The following RXRG variants were observed in gnomAD, a reference collection of about 807,000 sequenced individuals.
RXRG encodes the protein retinoid X receptor gamma, also known as retinoic acid receptor RXR-gamma.
A neutral mutation model predicts 49.2 loss-of-function variants in RXRG; 19 were observed. That is an observed-to-expected ratio of 0.39 (90% CI 0.27 to 0.57). RXRG has a LOEUF of 0.57. RXRG is among the 20% of genes least tolerant of loss of function. RXRG has a pLI of 0.64. For missense variants in RXRG, 452 were observed against 592.5 expected, an observed-to-expected ratio of 0.76 and a Z score of 2.46; for synonymous variants, 224 against 216.6, an observed-to-expected ratio of 1.03 and a Z score of -0.30.
At chr1:165,419,739 G>T (rs145892417) in intron 3 of RXRG, 131 bp downstream of exon 3, 2 of 651,888 alleles carry the variant, frequency 3.1e-6, no homozygotes, top group East Asian at 5.9e-5. Context: ...TGACATAAAC[G>T]TATAGGTGGG....
intron 4 of RXRG, among the ~76,000 whole-genome samples, chr1:165,415,766 C>T (rs1658103309): frequency 6.6e-6 from 1 of 152,150 alleles, no homozygotes; most frequent in African/African-American, 2.4e-5. Context: ...TTTTCAGGAG[C>T]TGAGATTTGG....
chr1:165,401,320 G>C lies in RXRG; in HGVS notation c.1335C>G (p.Asp445Glu). 3 of 1,614,122 alleles carry C rather than the reference G, an allele frequency of 1.9e-6. No homozygotes were observed. Among genetic ancestry groups the C allele is most frequent in the Non-Finnish European group, 2.5e-6 (3 of 1,179,996 alleles). ...EHLFFFKLIG[D>E]TPIDTFLMEM... is the part of the protein sequence containing the mutation. Reference sequence around the variant, plus strand: ...CCATGAGGAAGGTGTCAATGGGGGTGTCCCCGATGAGCTTGAAGAAGAAGA... The same window carrying C: ...CCATGAGGAAGGTGTCAATGGGGGTCTCCCCGATGAGCTTGAAGAAGAAGA... Residue 445 changes from aspartate (D) to glutamate (E), a missense_variant, in exon 10 of 10, where the codon GAC becomes GAG. Physicochemically the swap from Asp to Glu is conservative, Grantham distance 45. Around this residue, in one of 2 missense-constraint regions of RXRG, gnomAD observed 286 missense variants for 440.9 expected, o/e 0.65. Coordinates refer to ENST00000359842, the MANE Select transcript of RXRG (RefSeq NM_006917.5).
At chr1:165,421,436 A>G (rs1658309014) in intron 2 of RXRG, among the ~76,000 whole-genome samples, 1 of 151,910 alleles carries the variant, frequency 6.6e-6, no homozygotes, top group African/African-American at 2.4e-5. Context: ...ACTGGTTCTC[A>G]TCCCTGGGGG....
intron 1 of RXRG, among the ~76,000 whole-genome samples, chr1:165,442,166 G>A (rs1050891579): frequency 6.6e-5 from 10 of 152,188 alleles, no homozygotes; most frequent in Non-Finnish European, 4.4e-5. Flanking sequence ...CTGTGGCAGG[G>A]GAGGTTAGAG....
intron 8 of RXRG, 107 bp from the exon 9 acceptor site, chr1:165,407,024 G>C (rs916172403): frequency 3.8e-5 from 27 of 719,766 alleles, no homozygotes; most frequent in Non-Finnish European, 5.4e-5. Context: ...CCCTGGATGG[G>C]GACAAGTGTG....
chr1:165,443,218 A>T (rs979575300), intron 1 of RXRG, among the ~76,000 whole-genome samples: 1 of 152,070 alleles, frequency 6.6e-6, no homozygotes, highest in Non-Finnish European at 1.5e-5. Context: ...TATTCACCCC[A>T]ACTGTCTCCA....
At chr1:165,411,130 C>T in intron 4 of RXRG, 21 bp from the exon 5 acceptor site, 1 of 1,611,230 alleles carries the variant, frequency 6.2e-7, no homozygotes. Context: ...GCAGGACATG[C>T]AGAGGTTACC....
At chr1:165,439,220 C>A (rs1013378096) in intron 1 of RXRG, among the ~76,000 whole-genome samples, 1 of 142,304 alleles carries the variant, frequency 7.0e-6, no homozygotes, top group African/African-American at 2.6e-5. Context: ...ATCAATCTTT[C>A]CCTGCTTTTC....
At chr1:165,408,443 G>T in intron 7 of RXRG, 125 bp from the exon 8 acceptor site, 1 of 669,948 alleles carries the variant, frequency 1.5e-6, no homozygotes, top group East Asian at 2.6e-5. Flanking sequence ...AGTTACTAGG[G>T]GTACAGAAAT....
intron 8 of RXRG, among the ~76,000 whole-genome samples, chr1:165,407,659 G>A (rs550970339): frequency 2.8e-4 from 43 of 152,288 alleles, no homozygotes; most frequent in Admixed American, 1.1e-3. Context: ...CTTCTCCCAT[G>A]AAGTCCAGAC....
At chr1:165,430,426 A>G (rs1368261385) in intron 1 of RXRG, among the ~76,000 whole-genome samples, 1 of 152,242 alleles carries the variant, frequency 6.6e-6, no homozygotes, top group Non-Finnish European at 1.5e-5. Flanking sequence ...TGTCAGAAAT[A>G]TAACTGTGAA....
intron 9 of RXRG, among the ~76,000 whole-genome samples, chr1:165,403,951 G>A (rs900294285): frequency 3.3e-5 from 5 of 152,222 alleles, no homozygotes; most frequent in African/African-American, 1.2e-4. Context: ...CTTTGAAGGT[G>A]CCTGCTGTGT....
chr1:165,416,822 T>C (rs890233626), intron 4 of RXRG, among the ~76,000 whole-genome samples: 1 of 152,184 alleles, frequency 6.6e-6, no homozygotes, highest in Admixed American at 6.5e-5. Context: ...AGAGACACAC[T>C]TCCTAGGAAA....
In RXRG at chr1:165,409,249, A is replaced by G. The variant is rs56335001; in HGVS notation, c.1046+309T>C. ...TCAAGATCTAATCTCTCCTTAGGAA[A>G]TCCATTGGGAGAATAGGTTCTCCCA... is the stretch of plus-strand genomic sequence containing the variant. On this transcript the variant is annotated intron_variant, in intron 7 of 9. Coordinates refer to ENST00000359842, the MANE Select transcript of RXRG (RefSeq NM_006917.5). 5.6e-3 allele frequency among the ~76,000 whole-genome samples: 860 copies of G among 152,282 alleles called. 6 individuals carry two copies. Among genetic ancestry groups the G allele is most frequent in the Middle Eastern group, 0.027 (8 of 294 alleles).
At chr1:165,401,517 A>G (rs1657565223) in intron 9 of RXRG, 107 bp from the exon 10 acceptor site, 1 of 1,260,720 alleles carries the variant, frequency 7.9e-7, no homozygotes, top group Non-Finnish European at 1.1e-6. Context: ...ATCTGTGATA[A>G]AAGAGCTGGA....
At chr1:165,407,058 T>C in intron 8 of RXRG, 141 bp from the exon 9 acceptor site, 1 of 602,036 alleles carries the variant, frequency 1.7e-6, no homozygotes, top group Non-Finnish European at 2.9e-6. Flanking sequence ...TGGTCATTCA[T>C]GCCCCCTTGC....
At chr1:165,420,591 C>A (rs183087309) in intron 2 of RXRG, among the ~76,000 whole-genome samples, 2 of 152,204 alleles carry the variant, frequency 1.3e-5, no homozygotes, top group East Asian at 3.9e-4. Flanking sequence ...TGAGAAAGGA[C>A]ATGTGTAATG....
At chr1:165,442,660 T>TC (rs1659044684) in intron 1 of RXRG, among the ~76,000 whole-genome samples, 1 of 152,248 alleles carries the variant, frequency 6.6e-6, no homozygotes, top group South Asian at 2.1e-4. Context: ...TTTTTAACTA[T>TC]TTTGCATGTT....
intron 1 of RXRG, among the ~76,000 whole-genome samples, chr1:165,431,677 T>A (rs1333568274): frequency 6.6e-6 from 1 of 152,146 alleles, no homozygotes; most frequent in African/African-American, 2.4e-5. Context: ...TATTTCTTTA[T>A]CCCCAGGGTC....
Sources: allele counts gnomAD v4.1 joint callset (sites outside exome capture counted in the v4.1 genomes callset), GRCh38; gene constraint gnomAD v4.1.1; regional missense constraint gnomAD v4.1.1; transcripts MANE v1.5; gene names NCBI Gene and HGNC (gene_info 2026-07-23, HGNC 2026-07-21).